The following STRN variants were observed in gnomAD, a reference collection of about 807,000 sequenced individuals.
STRN encodes protein phosphatase 2 regulatory subunit B'''alpha.
A neutral mutation model predicts 96.3 loss-of-function variants in STRN; 53 were observed. The observed-to-expected ratio is 0.55, with a 90% CI of 0.44 to 0.69. The LOEUF (loss-of-function observed/expected upper bound fraction) is 0.69, where lower values mean the gene tolerates loss of function less well. Ranked by LOEUF, STRN falls within the 30% of genes least tolerant of loss-of-function variation. The pLI is 0.00. For synonymous variants in STRN, 428 were observed against 355.9 expected (o/e 1.20, Z -2.28); for missense variants, 987 against 963.9 (o/e 1.02, Z -0.32).
chr2:36,883,002 CAA>C (rs1321664439), intron 9 of STRN, among the ~76,000 whole-genome samples: 6 of 151,958 alleles, frequency 3.9e-5, no homozygotes, highest in African/African-American at 1.2e-4. Context: ...CCTAAATATT[CAA>C]AAGTTTCATA....
rs545295029 is a variant in STRN at position 36,869,787 on chromosome 2, CT to C, written c.1324-59del. ...ACTTAGTTAAGGATAGGGGAAAAAACTTGCATTTCAACATTAATTCTTGCTG... is the reference window on the plus strand; with the variant it reads ...ACTTAGTTAAGGATAGGGGAAAAAACTGCATTTCAACATTAATTCTTGCTG... On this transcript the variant is annotated intron_variant, in intron 10 of 17. Transcript: ENST00000263918. The C allele has an allele frequency of 9.6e-5, 129 of 1,345,334 alleles. No individual in the cohort carries two copies. The African/African-American group carries it at 1.3e-3, about 13-fold the overall frequency. The allele number at this position is 1,345,334 out of a possible 1,614,324, so 83.3% of individuals were successfully genotyped here. A position where few individuals can be genotyped will look rare whatever the true frequency, so the allele number is the denominator to read the frequency against.
chr2:36,851,919 TAA>T (rs1169056484), intron 15 of STRN, among the ~76,000 whole-genome samples: 3 of 152,248 alleles, frequency 2.0e-5, no homozygotes, highest in Non-Finnish European at 4.4e-5. Context: ...TTTGGAATCC[TAA>T]AAGTCAGCAT....
intron 2 of STRN, among the ~76,000 whole-genome samples, chr2:36,918,810 C>T (rs76025070): frequency 0.018 from 2,708 of 152,124 alleles, 83 homozygotes; most frequent in African/African-American, 0.061. Flanking sequence ...TCATTCATAC[C>T]GTTTTCCACT....
intron 1 of STRN, among the ~76,000 whole-genome samples, chr2:36,938,837 C>T (rs1046987057): frequency 6.6e-6 from 1 of 152,090 alleles, no homozygotes; most frequent in Non-Finnish European, 1.5e-5. Context: ...CTGAATGAAA[C>T]TTTAATTACA....
At chr2:36,957,059 G>A (rs559519726) in intron 1 of STRN, among the ~76,000 whole-genome samples, 53 of 152,260 alleles carry the variant, frequency 3.5e-4, no homozygotes, top group African/African-American at 1.3e-3. Flanking sequence ...TTGCCCTTAG[G>A]ATATTGACCA....
At chr2:36,927,395 G>C (rs1670439070) in intron 1 of STRN, among the ~76,000 whole-genome samples, 2 of 151,900 alleles carry the variant, frequency 1.3e-5, no homozygotes, top group Non-Finnish European at 1.5e-5. Flanking sequence ...TGTGGTCCCA[G>C]CTACTTGGGA....
intron 1 of STRN, among the ~76,000 whole-genome samples, chr2:36,929,587 G>A (rs1205870988): frequency 6.6e-6 from 1 of 152,122 alleles, no homozygotes; most frequent in Non-Finnish European, 1.5e-5. Flanking sequence ...GTTTTACCAT[G>A]TTGGTCAGGC....
intron 15 of STRN, among the ~76,000 whole-genome samples, chr2:36,853,804 G>A (rs1457304012): frequency 1.3e-5 from 2 of 152,108 alleles, no homozygotes; most frequent in Non-Finnish European, 2.9e-5. Flanking sequence ...ACAAGGGGTA[G>A]TTCACAGTAA....
chr2:36,950,454 G>A (rs1664727948), intron 1 of STRN, among the ~76,000 whole-genome samples: 1 of 152,148 alleles, frequency 6.6e-6, no homozygotes. Flanking sequence ...GACCTCAGGT[G>A]ATCCACCCGC....
chr2:36,876,345 G>C (rs1047611), intron 10 of STRN, among the ~76,000 whole-genome samples: 1 of 151,890 alleles, frequency 6.6e-6, no homozygotes, highest in Non-Finnish European at 1.5e-5. Flanking sequence ...AGTCCATTTA[G>C]ATTAGATGGT....
At chr2:36,946,703 T>C (rs563163094) in intron 1 of STRN, among the ~76,000 whole-genome samples, 7 of 152,362 alleles carry the variant, frequency 4.6e-5, no homozygotes, top group African/African-American at 1.7e-4. Flanking sequence ...TGTGTTTTTG[T>C]ATATACATGT....
intron 2 of STRN, among the ~76,000 whole-genome samples, chr2:36,922,595 T>G (rs1354953635): frequency 6.6e-6 from 1 of 151,862 alleles, no homozygotes; most frequent in Non-Finnish European, 1.5e-5. Flanking sequence ...AACTCCTTGG[T>G]TAGGCTCTCT....
At chr2:36,887,589 C>T (rs1395579622) in intron 7 of STRN, among the ~76,000 whole-genome samples, 2 of 152,008 alleles carry the variant, frequency 1.3e-5, no homozygotes, top group Non-Finnish European at 2.9e-5. Flanking sequence ...AGGGATTGTA[C>T]AAAATAAACG....
chr2:36,956,686 T>C (rs1664897751), intron 1 of STRN, among the ~76,000 whole-genome samples: 2 of 152,222 alleles, frequency 1.3e-5, no homozygotes, highest in Admixed American at 1.3e-4. Context: ...TCTGCTTCAG[T>C]TATCAAGATT....
At chr2:36,852,398 A>G (rs1319250659) in intron 15 of STRN, among the ~76,000 whole-genome samples, 1 of 152,226 alleles carries the variant, frequency 6.6e-6, no homozygotes, top group Non-Finnish European at 1.5e-5. Context: ...AGTAATTCAG[A>G]TAATAGTATT....
chr2:36,891,830 C>T (rs1040167376), intron 7 of STRN, among the ~76,000 whole-genome samples: 2 of 152,026 alleles, frequency 1.3e-5, no homozygotes, highest in Non-Finnish European at 2.9e-5. Flanking sequence ...TCAGTCACTA[C>T]ATATAATGAC....
rs533631408 is a variant in STRN, at chr2:36,900,892, CTAAA to C, written c.660-1238_660-1235del. 3.8e-3 allele frequency among the ~76,000 whole-genome samples: 567 copies of C among 150,514 alleles called. 2 individuals carry two copies. Among genetic ancestry groups the C allele is most frequent in the African/African-American group, 0.013 (530 of 40,870 alleles). On this transcript the variant is annotated intron_variant, in intron 5 of 17. Transcript: ENST00000263918. ...CAGGTGACAGAGTGAGACTCTGTCT[CTAAA>C]TAAATAAATAAATAAATAAATAAAT...
At chr2:36,861,367 T>TA in intron 12 of STRN, 114 bp from the exon 13 acceptor site, 2 of 1,363,618 alleles carry the variant, frequency 1.5e-6, no homozygotes, top group East Asian at 4.9e-5. Context: ...CTGCTTTTTA[T>TA]AAAAAATGAA....
chr2:36,864,488 C>A (rs1201667984), intron 12 of STRN, among the ~76,000 whole-genome samples: 2 of 152,176 alleles, frequency 1.3e-5, no homozygotes. Context: ...ACTAACCTTG[C>A]AACCCAGGGA....
Sources: gnomAD v4.1 joint callset for allele counts (sites outside exome capture counted in the v4.1 genomes callset) on GRCh38, gnomAD v4.1.1 for gene constraint, MANE v1.5 for transcripts, NCBI Gene and HGNC (gene_info 2026-07-23, HGNC 2026-07-21) for gene names.